The following ITPR2 variants were observed in gnomAD, a reference collection of about 807,000 sequenced individuals.
ITPR2 encodes the protein inositol 1,4,5-trisphosphate receptor type 2, also known as inositol 1,4,5-trisphosphate-gated calcium channel ITPR2.
A neutral mutation model predicts 317.1 loss-of-function variants in ITPR2; 207 were observed. The ratio of observed to expected loss-of-function variants is 0.65; its 90% CI spans 0.58 to 0.73. ITPR2 has a LOEUF of 0.73. Ranked by LOEUF, ITPR2 falls within the 30% of genes least tolerant of loss-of-function variation. The pLI, the probability that ITPR2 is intolerant of heterozygous loss-of-function variation, is 0.00. For missense variants in ITPR2, 2,613 were observed against 3,284.0 expected (o/e 0.80, Z 4.99); for synonymous variants, 1,156 against 1,149.1 (o/e 1.01, Z -0.12).
intron 41 of ITPR2, among the ~76,000 whole-genome samples, chr12:26,484,744 C>T (rs1942626608): frequency 6.6e-6 from 1 of 152,160 alleles, no homozygotes; most frequent in South Asian, 2.1e-4. Flanking sequence ...CAGAGTCTCA[C>T]TCTATCACCC....
At chr12:26,762,875 G>A (rs1949661616) in intron 2 of ITPR2, among the ~76,000 whole-genome samples, 1 of 152,068 alleles carries the variant, frequency 6.6e-6, no homozygotes, top group African/African-American at 2.4e-5. Flanking sequence ...TAGAAGCGAT[G>A]TAGAACTCTA....
chr12:26,458,324 C>T (rs534919181), intron 45 of ITPR2, among the ~76,000 whole-genome samples: 23 of 152,260 alleles, frequency 1.5e-4, no homozygotes, highest in Non-Finnish European at 3.1e-4. Context: ...AGAACTGTGC[C>T]ACTCATGGAG....
At chr12:26,509,915 A>T (rs1943286627) in intron 37 of ITPR2, among the ~76,000 whole-genome samples, 1 of 145,574 alleles carries the variant, frequency 6.9e-6, no homozygotes, top group African/African-American at 2.5e-5. Flanking sequence ...TCTTCCTAAA[A>T]AAAGATCCCA....
intron 34 of ITPR2, among the ~76,000 whole-genome samples, chr12:26,566,794 G>C (rs898001728): frequency 1.3e-5 from 2 of 152,014 alleles, no homozygotes; most frequent in Non-Finnish European, 2.9e-5. Flanking sequence ...CAATATCTCT[G>C]TTTATGTCTT....
intron 40 of ITPR2, 70 bp from the exon 41 acceptor site, chr12:26,486,430 A>G: frequency 8.1e-7 from 1 of 1,229,052 alleles, no homozygotes; most frequent in Non-Finnish European, 1.1e-6. Flanking sequence ...AAAAAAACAA[A>G]CCAGGTACCC....
chr12:26,375,386 C>G (rs536567040), intron 55 of ITPR2, among the ~76,000 whole-genome samples: 41 of 152,278 alleles, frequency 2.7e-4, no homozygotes, highest in Admixed American at 5.2e-4. Context: ...AGTTACTTTG[C>G]TCTAAACATT....
chr12:26,359,019 C>T (rs913516024), intron 55 of ITPR2, among the ~76,000 whole-genome samples: 7 of 152,246 alleles, frequency 4.6e-5, no homozygotes, highest in Non-Finnish European at 1.0e-4. Flanking sequence ...CTTCAACTTG[C>T]TTTGCTTTCC....
chr12:26,486,451 A>C, intron 40 of ITPR2, 91 bp from the exon 41 acceptor site: 1 of 1,029,570 alleles, frequency 9.7e-7, no homozygotes, highest in South Asian at 1.7e-5. Flanking sequence ...AAATTCTCTA[A>C]CAATTGAATT....
intron 37 of ITPR2, among the ~76,000 whole-genome samples, chr12:26,521,297 G>A (rs529344449): frequency 1.5e-4 from 23 of 151,998 alleles, no homozygotes; most frequent in African/African-American, 4.1e-4. Context: ...TAAGTGCAGC[G>A]CATGAAAAAT....
intron 48 of ITPR2, among the ~76,000 whole-genome samples, chr12:26,435,480 C>A (rs1941329441): frequency 6.6e-6 from 1 of 152,100 alleles, no homozygotes; most frequent in South Asian, 2.1e-4. Context: ...TCTTTCCATG[C>A]CCATTCCAAA....
rs1461935446 is a variant in ITPR2 at position 26,518,136 on chromosome 12, G to A, written c.5074-22876C>T. 2.0e-5 allele frequency among the ~76,000 whole-genome samples: 3 copies of A among 152,190 alleles called. No homozygotes were observed. The East Asian group carries it at 5.8e-4, about 29-fold the overall frequency. ...AATCAACTTAAACCCATCAACAGTG[G>A]AATGGATAAAGAAAATGTGGCACAC... On this transcript the variant is annotated intron_variant, in intron 37 of 56. Coordinates refer to ENST00000381340, the MANE Select transcript of ITPR2 (RefSeq NM_002223.4).
chr12:26,820,347 G>A (rs910845631), intron 1 of ITPR2, among the ~76,000 whole-genome samples: 7 of 152,198 alleles, frequency 4.6e-5, no homozygotes, highest in African/African-American at 1.2e-4. Context: ...AATTAAATAC[G>A]TATATGGTAA....
chr12:26,534,220 A>T (rs1944022484), intron 37 of ITPR2, among the ~76,000 whole-genome samples: 1 of 152,220 alleles, frequency 6.6e-6, no homozygotes, highest in South Asian at 2.1e-4. Context: ...AAATTGAAGC[A>T]TTGCAGAAAT....
intron 55 of ITPR2, among the ~76,000 whole-genome samples, chr12:26,363,385 T>A (rs1029854188): frequency 6.6e-6 from 1 of 152,180 alleles, no homozygotes; most frequent in East Asian, 1.9e-4. Flanking sequence ...TGCTACAATG[T>A]AATAACAAAT....
At chr12:26,537,710 G>C (rs1944137277) in intron 37 of ITPR2, among the ~76,000 whole-genome samples, 1 of 152,078 alleles carries the variant, frequency 6.6e-6, no homozygotes, top group African/African-American at 2.4e-5. Context: ...TATCACATTT[G>C]TTTTCTGTAT....
chr12:26,486,394 C>G, intron 40 of ITPR2, 34 bp from the exon 41 acceptor site: 1 of 1,514,040 alleles, frequency 6.6e-7, no homozygotes, highest in Non-Finnish European at 8.9e-7. Flanking sequence ...TATTTCTGAA[C>G]CAATTTGCTT....
intron 45 of ITPR2, among the ~76,000 whole-genome samples, chr12:26,453,385 T>C (rs889370560): frequency 2.6e-5 from 4 of 152,208 alleles, no homozygotes; most frequent in Non-Finnish European, 4.4e-5. Context: ...TAATCATTAT[T>C]GTAGTGTCCT....
intron 2 of ITPR2, among the ~76,000 whole-genome samples, chr12:26,744,764 C>G (rs1166095920): frequency 6.6e-6 from 1 of 152,218 alleles, no homozygotes; most frequent in Non-Finnish European, 1.5e-5. Flanking sequence ...TGTAATTTCA[C>G]TGGATTCTAT....
intron 2 of ITPR2, among the ~76,000 whole-genome samples, chr12:26,771,385 C>A (rs1285013174): frequency 6.6e-6 from 1 of 152,102 alleles, no homozygotes; most frequent in Non-Finnish European, 1.5e-5. Context: ...CCACGTGCTG[C>A]GAATGACAGA....
Sources: gnomAD v4.1 joint callset for allele counts (sites outside exome capture counted in the v4.1 genomes callset) on GRCh38, gnomAD v4.1.1 for gene constraint, MANE v1.5 for transcripts, NCBI Gene and HGNC (gene_info 2026-07-23, HGNC 2026-07-21) for gene names.